Variants in DYSF observed in about 807,000 individuals in gnomAD.
DYSF encodes the protein dystrophy-associated fer-1-like 1.
DYSF carries 212 observed loss-of-function variants against 274.9 expected under a neutral mutation model. That is an observed-to-expected ratio of 0.77 (90% CI 0.69 to 0.86). The LOEUF (loss-of-function observed/expected upper bound fraction) is 0.86, where lower values mean the gene tolerates loss of function less well. Ranked by LOEUF, DYSF falls within the 40% of genes least tolerant of loss-of-function variation. DYSF has a pLI of 0.00. For missense variants in DYSF, 2,666 were observed against 2,783.2 expected (o/e 0.96, Z 0.95); for synonymous variants, 1,091 against 1,078.7 (o/e 1.01, Z -0.22).
At chr2:71,502,015 C>T (rs1052225155) in intron 3 of DYSF, among the ~76,000 whole-genome samples, 1 of 151,892 alleles carries the variant, frequency 6.6e-6, no homozygotes, top group African/African-American at 2.4e-5. Context: ...CCCTACACAC[C>T]ATGCACAAGC....
rs181771508 is a variant in DYSF, at chr2:71,490,488, C to T, written c.239+8518C>T. 4.6e-5 allele frequency among the ~76,000 whole-genome samples: 7 copies of T among 152,236 alleles called. No individual in the cohort carries two copies. The East Asian group carries it at 5.8e-4, about 13-fold the overall frequency. ...CGGAGTAGCTGGGATTACAGGTGCC[C>T]GCCACCACGCCCAGCTGATTTTTGT... On this transcript the variant is annotated intron_variant, in intron 3 of 55. Transcript: ENST00000410020.
chr2:71,570,059 A>G, intron 27 of DYSF, 125 bp downstream of exon 27: 1 of 1,107,658 alleles, frequency 9.0e-7, no homozygotes, highest in Non-Finnish European at 1.4e-6. Flanking sequence ...TCATGCTTTG[A>G]TTTCCAAAGG....
intron 40 of DYSF, among the ~76,000 whole-genome samples, chr2:71,618,957 G>C (rs941828704): frequency 6.6e-6 from 1 of 152,024 alleles, no homozygotes; most frequent in South Asian, 2.1e-4. Context: ...TGAGCCTGCT[G>C]CTCCAGTTAT....
At chr2:71,602,953 C>A in intron 36 of DYSF, 148 bp downstream of exon 36, 1 of 979,670 alleles carries the variant, frequency 1.0e-6, no homozygotes, top group Non-Finnish European at 1.5e-6. Flanking sequence ...ATTCCCCATG[C>A]TGTGTGTGGA....
intron 36 of DYSF, among the ~76,000 whole-genome samples, chr2:71,605,179 G>A (rs771856719): frequency 9.2e-5 from 14 of 152,002 alleles, no homozygotes; most frequent in Non-Finnish European, 1.3e-4. Flanking sequence ...CTCTCCTTTC[G>A]TGTTTCACTC....
intron 3 of DYSF, among the ~76,000 whole-genome samples, chr2:71,491,960 A>G (rs1002864310): frequency 2.0e-5 from 3 of 152,212 alleles, no homozygotes; most frequent in African/African-American, 7.2e-5. Flanking sequence ...CTCTGGTTTT[A>G]GCAAGCTGGT....
At chr2:71,661,116 CAAAAAAA>C (rs55761719) in intron 45 of DYSF, among the ~76,000 whole-genome samples, 88 of 85,904 alleles carry the variant, frequency 1.0e-3, no homozygotes, top group African/African-American at 3.5e-3. Flanking sequence ...AACCCTGTCT[CAAAAAAA>C]AAAAAAAAAA....
intron 52 of DYSF, among the ~76,000 whole-genome samples, chr2:71,677,487 C>T (rs2095240497): frequency 6.6e-6 from 1 of 152,004 alleles, no homozygotes; most frequent in Non-Finnish European, 1.5e-5. Context: ...TAGTTAAATA[C>T]AAGAATTTTC....
rs1289536335 is a variant in DYSF at position 71,520,822 on chromosome 2, C to T, written c.1067C>T (p.Ser356Leu). The part of the protein sequence containing the change: ...HAYLRKWLLL[S>L]DPDDFSAGAR... ...TATCTCAGGAAGTGGCTGCTGCTCT[C>T]AGACCCTGATGACTTCTCTGCTGGG... is the stretch of plus-strand genomic sequence containing the variant. The change falls in exon 12 of 56, where the codon TCA (serine) becomes TTA (leucine). Residue 356 changes from serine to leucine, a missense_variant. By Grantham distance (145) the Ser-to-Leu change is moderately radical. This residue lies in a region of DYSF where 794 missense variants were observed against 777.1 expected (regional missense o/e 1.02). Transcript: ENST00000410020. 2 of 1,613,962 alleles carry T rather than the reference C, an allele frequency of 1.2e-6. No individual in the cohort carries two copies. The highest frequency in any genetic ancestry group is 1.7e-5 in the Admixed American group (1 of 59,998).
At chr2:71,572,952 G>A (rs910874755) in intron 29 of DYSF, among the ~76,000 whole-genome samples, 1 of 152,172 alleles carries the variant, frequency 6.6e-6, no homozygotes, top group Admixed American at 6.5e-5. Context: ...CAGGCCCATC[G>A]TGCACATGGA....
chr2:71,516,335 T>TTCACACTGAC, intron 9 of DYSF, 93 bp downstream of exon 9: 2 of 1,247,576 alleles, frequency 1.6e-6, no homozygotes, highest in Non-Finnish European at 2.3e-6. Flanking sequence ...CGTGTGTGCA[T>TTCACACTGAC]GTGCACGTCA....
At chr2:71,599,675 C>T (rs1042217068) in intron 33 of DYSF, among the ~76,000 whole-genome samples, 6 of 152,116 alleles carry the variant, frequency 3.9e-5, no homozygotes, top group African/African-American at 9.7e-5. Context: ...ATCCACTGGG[C>T]GCAAGGTAAA....
At chr2:71,584,339 T>G (rs1033454471) in intron 30 of DYSF, among the ~76,000 whole-genome samples, 1 of 152,104 alleles carries the variant, frequency 6.6e-6, no homozygotes, top group African/African-American at 2.4e-5. Context: ...TAGGCTCCAG[T>G]GTGCTGCTGC....
chr2:71,453,719 CG>C (rs1173068411), exon 1 of DYSF: 19 of 508,156 alleles, frequency 3.7e-5, no homozygotes, highest in Admixed American at 6.5e-5. Flanking sequence ...GGAAGGGCGG[CG>C]GGGGTGGAAG....
intron 29 of DYSF, among the ~76,000 whole-genome samples, chr2:71,571,330 A>G (rs892872027): frequency 1.3e-5 from 2 of 151,034 alleles, no homozygotes; most frequent in Non-Finnish European, 3.0e-5. Context: ...CAGCACACGC[A>G]CAGCTCACAC....
At position 71,669,593 on chromosome 2, in the gene DYSF, A is replaced by G. The variant is rs375507062; in HGVS notation, c.5643-12A>G. The G allele has an allele frequency of 5.6e-6, 9 of 1,614,076 alleles. No homozygotes were observed. The highest frequency in any genetic ancestry group is 6.8e-6 in the Non-Finnish European group (8 of 1,180,030). The stretch of plus-strand genomic sequence containing the variant: ...TTAATGAGAACTATTCTCTAAAAAC[A>G]TGTATGTCTAGTTGGATGATTGGCT... On this transcript the variant is annotated splice_polypyrimidine_tract_variant and intron_variant, in intron 50 of 55. Transcript: ENST00000410020.
Position 71,568,316 on chromosome 2 carries a change from T to A in DYSF, c.2842T>A (p.Trp948Arg). The A allele has an allele frequency of 6.2e-7, 1 of 1,614,110 alleles. No individual in the cohort carries two copies. Among genetic ancestry groups the A allele is most frequent in the African/African-American group, 1.3e-5 (1 of 75,028 alleles). ...GGCCGGCTGGACCTGGGCTGGAGAT[T>A]GGTTCGTGTGTCCGGAGAAGACGTG... The part of the protein sequence containing the change: ...PSAGWTWAGD[W>R]FVCPEKTLLH... Residue 948 changes from tryptophan (W) to arginine (R), a missense_variant, in exon 26 of 56, where the codon TGG becomes AGG. Around this residue, in one of 3 missense-constraint regions of DYSF, gnomAD observed 412 missense variants for 504.0 expected, o/e 0.82. Transcript: ENST00000410020.
rs1573541716 is a variant in DYSF at position 71,499,926 on chromosome 2, C to A, written c.240-3288C>A. 2.6e-5 allele frequency among the ~76,000 whole-genome samples: 4 copies of A among 152,294 alleles called. No homozygotes were observed. In the South Asian group the frequency reaches 8.3e-4, roughly 32 times the overall value. On this transcript the variant is annotated intron_variant, in intron 3 of 55. Transcript: ENST00000410020. ...TGCTCTGCACACACTCATAGCTGGCCCTGTGCAGGACCCCTGGCCCCCTCC... is the reference window on the plus strand; with the variant it reads ...TGCTCTGCACACACTCATAGCTGGCACTGTGCAGGACCCCTGGCCCCCTCC...
intron 1 of DYSF, among the ~76,000 whole-genome samples, chr2:71,473,472 G>A (rs1431511359): frequency 1.3e-5 from 2 of 152,228 alleles, no homozygotes; most frequent in African/African-American, 2.4e-5. Context: ...GCCCCCTGCA[G>A]CTTCTGAGAG....
Sources: gnomAD v4.1 joint callset for allele counts (sites outside exome capture counted in the v4.1 genomes callset) on GRCh38, gnomAD v4.1.1 for gene constraint, gnomAD v4.1.1 regional missense constraint, MANE v1.5 for transcripts, NCBI Gene and HGNC (gene_info 2026-07-23, HGNC 2026-07-21) for gene names.